The following MIGA1 variants were observed in gnomAD, a reference collection of about 807,000 sequenced individuals.
The protein encoded by MIGA1 is mitoguardin 1.
In MIGA1, 58 loss-of-function variants were observed where a neutral mutation model predicts 82.0. The observed-to-expected ratio is 0.71, with a 90% confidence interval of 0.57 to 0.88. The LOEUF is 0.88. Ranked by LOEUF, MIGA1 falls within the 40% of genes least tolerant of loss-of-function variation. The pLI is 0.00. For missense variants in MIGA1, 751 were observed against 749.1 expected (o/e 1.00, Z -0.03); for synonymous variants, 249 against 253.6 (o/e 0.98, Z 0.17).
At chr1:77,859,231 G>T in intron 9 of MIGA1, 83 bp from the exon 10 acceptor site, 1 of 1,185,136 alleles carries the variant, frequency 8.4e-7, no homozygotes, top group Non-Finnish European at 1.3e-6. Context: ...AGGTCCTGAG[G>T]TTAAGCCTTG....
rs1048743209 is a variant in MIGA1 at position 77,779,862 on chromosome 1, C to T, written c.81+126C>T. The T allele has an allele frequency of 2.4e-5, 35 of 1,430,856 alleles. No homozygotes were observed. The East Asian group carries it at 9.0e-4, about 37-fold the overall frequency. 88.6% of individuals were successfully genotyped at this position (1,430,856 alleles called of 1,614,324 possible). Reference sequence around the variant, plus strand: ...GCGGACTCCATCGCTGGCGTTAGCTCTCGGAGTGCCAGGTGGAGCGGCGGA... The same window carrying T: ...GCGGACTCCATCGCTGGCGTTAGCTTTCGGAGTGCCAGGTGGAGCGGCGGA... On this transcript the variant is annotated intron_variant, in intron 1 of 15. Coordinates refer to ENST00000370791, the MANE Select transcript of MIGA1 (RefSeq NM_198549.4).
intron 13 of MIGA1, among the ~76,000 whole-genome samples, chr1:77,864,550 C>T (rs1022674245): frequency 4.6e-5 from 7 of 152,012 alleles, no homozygotes; most frequent in African/African-American, 9.7e-5. Context: ...GTGGTGGGCA[C>T]CTGTAATCCC....
chr1:77,859,270 T>A, intron 9 of MIGA1, 44 bp from the exon 10 acceptor site: 1 of 1,466,694 alleles, frequency 6.8e-7, no homozygotes. Context: ...GTAGGCTTGA[T>A]CTTGAATGTA....
intron 8 of MIGA1, among the ~76,000 whole-genome samples, chr1:77,844,113 A>ATATATATATATAT (rs1553223128): frequency 2.2e-5 from 2 of 90,134 alleles, no homozygotes; most frequent in African/African-American, 9.1e-5. Context: ...AAAAAAAAAA[A>ATATATATATATAT]ATATATATAT....
chr1:77,866,764 A>G lies in MIGA1; in HGVS notation c.1563+373A>G, dbSNP rs554560136. ...GGTGGCGCGATCCTGGCTCACTGCA[A>G]TCTTTGCTTCCCGGGTTCAAGCGAT... On this transcript the variant is annotated intron_variant, in intron 14 of 15. Transcript: ENST00000370791. Among the ~76,000 whole-genome samples, 389 of 149,428 alleles carry G rather than the reference A, an allele frequency of 2.6e-3. 1 individual carries two copies. The highest frequency in any genetic ancestry group is 0.014 in the Middle Eastern group (4 of 290).
At chr1:77,871,374 C>T (rs1175261050) in intron 14 of MIGA1, among the ~76,000 whole-genome samples, 3 of 151,814 alleles carry the variant, frequency 2.0e-5, no homozygotes, top group African/African-American at 4.8e-5. Flanking sequence ...TGGTGGTGCA[C>T]GCTTGTAATC....
intron 7 of MIGA1, among the ~76,000 whole-genome samples, chr1:77,825,431 A>G (rs994903469): frequency 2.6e-5 from 4 of 152,348 alleles, no homozygotes; most frequent in Middle Eastern, 3.4e-3. Flanking sequence ...TTAGTGCTGA[A>G]TGTGAGATGT....
intron 7 of MIGA1, among the ~76,000 whole-genome samples, chr1:77,818,627 C>T (rs180756075): frequency 9.9e-5 from 15 of 152,268 alleles, no homozygotes; most frequent in Admixed American, 8.5e-4. Context: ...AGAAGTCTTT[C>T]CTGGCTCGAC....
chr1:77,797,482 C>G (rs1440446033), intron 2 of MIGA1, among the ~76,000 whole-genome samples: 1 of 151,994 alleles, frequency 6.6e-6, no homozygotes, highest in Admixed American at 6.6e-5. Flanking sequence ...GTTCTTTTGC[C>G]TTTTCTTAAT....
At chr1:77,847,267 G>A in intron 8 of MIGA1, 1 of 990,322 alleles carries the variant, frequency 1.0e-6, no homozygotes, top group Non-Finnish European at 1.6e-6. Context: ...TAAGAAGCAG[G>A]CCATGAAACA....
intron 2 of MIGA1, among the ~76,000 whole-genome samples, chr1:77,787,401 T>TG (rs897050794): frequency 6.7e-6 from 1 of 148,802 alleles, no homozygotes; most frequent in African/African-American, 2.5e-5. Flanking sequence ...TTTTTTTTTT[T>TG]GTAAGACAGA....
intron 2 of MIGA1, among the ~76,000 whole-genome samples, chr1:77,796,681 C>G (rs773682674): frequency 1.3e-5 from 2 of 152,348 alleles, no homozygotes; most frequent in East Asian, 3.9e-4. Context: ...AGGCAAAACA[C>G]TGTCACTTAG....
intron 7 of MIGA1, among the ~76,000 whole-genome samples, chr1:77,823,584 A>G (rs764952072): frequency 6.6e-6 from 1 of 152,174 alleles, no homozygotes; most frequent in Non-Finnish European, 1.5e-5. Flanking sequence ...TGGTTTTTAG[A>G]GACAGGGTCT....
intron 2 of MIGA1, 151 bp downstream of exon 2, chr1:77,783,502 G>A (rs996044590): frequency 2.7e-5 from 12 of 447,314 alleles, no homozygotes; most frequent in Middle Eastern, 3.6e-4. Context: ...GTTATTTCAC[G>A]GGTTTTTGTT....
At chr1:77,826,167 G>T (rs1054603598) in intron 7 of MIGA1, among the ~76,000 whole-genome samples, 1 of 152,122 alleles carries the variant, frequency 6.6e-6, no homozygotes, top group Admixed American at 6.5e-5. Context: ...GATATTGTTA[G>T]TCAATTCTGC....
chr1:77,791,183 T>C (rs1682401752), intron 2 of MIGA1, among the ~76,000 whole-genome samples: 1 of 148,830 alleles, frequency 6.7e-6, no homozygotes. Flanking sequence ...TTCAAGGATG[T>C]ATTAAGCTCT....
chr1:77,819,080 C>CAA (rs745979095), intron 7 of MIGA1, among the ~76,000 whole-genome samples: 4 of 63,316 alleles, frequency 6.3e-5, no homozygotes, highest in Non-Finnish European at 6.6e-5. Flanking sequence ...AACTCTGTCC[C>CAA]AAAAAAAAAA....
chr1:77,834,775 T>G lies in MIGA1; in HGVS notation c.896-8532T>G, dbSNP rs1162239121. Among the ~76,000 whole-genome samples, 5 of 152,318 alleles carry G rather than the reference T, an allele frequency of 3.3e-5. No homozygotes were observed. The East Asian group carries it at 7.7e-4, about 23-fold the overall frequency. On this transcript the variant is annotated intron_variant, in intron 7 of 15. Coordinates refer to ENST00000370791, the MANE Select transcript of MIGA1 (RefSeq NM_198549.4). The stretch of plus-strand genomic sequence containing the variant: ...ATTATTTAAACAAATTATAACAGAC[T>G]CTGTTTGGAAAATAGCTCATCTTGT...
chr1:77,838,054 T>C lies in MIGA1; in HGVS notation c.896-5253T>C, dbSNP rs139002324. Among the ~76,000 whole-genome samples, 88 of 152,320 alleles carry C rather than the reference T, an allele frequency of 5.8e-4. 1 individual carries two copies. Among genetic ancestry groups the C allele is most frequent in the Middle Eastern group, 3.4e-3 (1 of 294 alleles). On this transcript the variant is annotated intron_variant, in intron 7 of 15. Coordinates refer to ENST00000370791, the MANE Select transcript of MIGA1 (RefSeq NM_198549.4). ...TGTCTTACCCTCCTTCCTCCTGCCT[T>C]TGAAGCTCTGATTGAGCCTTTTCTG...
Sources: allele counts gnomAD v4.1 joint callset (sites outside exome capture counted in the v4.1 genomes callset), GRCh38; gene constraint gnomAD v4.1.1; transcripts MANE v1.5; gene names NCBI Gene and HGNC (gene_info 2026-07-23, HGNC 2026-07-21).